FGD4: variants seen among roughly 807,000 people sequenced by gnomAD.
FGD4 encodes FYVE, RhoGEF and PH domain containing 4, also known as FYVE, RhoGEF and PH domain-containing protein 4.
Under a neutral mutation model 102.0 loss-of-function variants are expected in FGD4, and 42 were observed. That is an observed-to-expected ratio of 0.41 (90% CI 0.32 to 0.53). The LOEUF is 0.53. Among genes scored for constraint, FGD4 ranks in the 20% least tolerant of loss-of-function variants. The pLI, the probability that FGD4 is intolerant of heterozygous loss-of-function variation, is 0.21. For missense variants in FGD4, 902 were observed against 1,078.2 expected, an observed-to-expected ratio of 0.84 and a Z score of 2.29; for synonymous variants, 380 against 375.7, an observed-to-expected ratio of 1.01 and a Z score of -0.13.
At chr12:32,536,779 A>G (rs1031765038) in intron 1 of FGD4, among the ~76,000 whole-genome samples, 6 of 152,226 alleles carry the variant, frequency 3.9e-5, no homozygotes, top group African/African-American at 1.4e-4. Context: ...GCCTGGGGAA[A>G]ATGAGTCTTT....
At chr12:32,485,164 C>T (rs1043253712) in intron 1 of FGD4, among the ~76,000 whole-genome samples, 3 of 152,278 alleles carry the variant, frequency 2.0e-5, no homozygotes, top group East Asian at 1.9e-4. Context: ...TCATTTTAAT[C>T]CATAATTTTA....
chr12:32,460,456 G>C (rs1371451439), intron 1 of FGD4, among the ~76,000 whole-genome samples: 5 of 150,686 alleles, frequency 3.3e-5, no homozygotes, highest in East Asian at 3.9e-4. Flanking sequence ...AGTGAGCTGT[G>C]ATCGTACCAC....
At chr12:32,498,155 A>G (rs1325613562) in intron 1 of FGD4, among the ~76,000 whole-genome samples, 7 of 152,232 alleles carry the variant, frequency 4.6e-5, no homozygotes, top group Admixed American at 3.3e-4. Flanking sequence ...GCTTAAACAC[A>G]TAACTCCCAA....
chr12:32,558,058 G>C lies in FGD4; in HGVS notation c.167-6079G>C, dbSNP rs117835488. Among the ~76,000 whole-genome samples the C allele has an allele frequency of 7.9e-3, 1,208 of 152,226 alleles. 9 individuals are homozygous for C. Among genetic ancestry groups the C allele is most frequent in the Non-Finnish European group, 0.013 (890 of 68,010 alleles). On this transcript the variant is annotated intron_variant, in intron 1 of 16. Transcript: ENST00000534526. Reference sequence around the variant, plus strand: ...AAAGTGAGATGGGTGCATTGCCTCTGTGATATTCTTACCCCAAACCCATAA... The same window carrying C: ...AAAGTGAGATGGGTGCATTGCCTCTCTGATATTCTTACCCCAAACCCATAA...
At chr12:32,470,927 G>A in intron 1 of FGD4, among the ~76,000 whole-genome samples, 1 of 152,062 alleles carries the variant, frequency 6.6e-6, no homozygotes, top group East Asian at 1.9e-4. Flanking sequence ...TCCCATCCTT[G>A]GGTGTTCTTT....
chr12:32,513,531 G>A (rs1425745172), intron 1 of FGD4, among the ~76,000 whole-genome samples: 1 of 152,190 alleles, frequency 6.6e-6, no homozygotes, highest in Non-Finnish European at 1.5e-5. Flanking sequence ...AGGGGCTAAG[G>A]TTGCAAGGTG....
intron 1 of FGD4, among the ~76,000 whole-genome samples, chr12:32,498,670 C>T (rs1937973763): frequency 6.6e-6 from 1 of 152,116 alleles, no homozygotes. Context: ...GTGATGCGAT[C>T]TTGGCTTACT....
chr12:32,485,459 G>A lies in FGD4; in HGVS notation c.167-78678G>A, dbSNP rs990233301. ...CAATTTTTTTTTTTTTTTTTTTTTT[G>A]AGACAGAGACTCGCCCTGTTGCCCA... On this transcript the variant is annotated intron_variant, in intron 1 of 16. Transcript: ENST00000534526. Among the ~76,000 whole-genome samples, 53 of 22,400 alleles carry A rather than the reference G, an allele frequency of 2.4e-3. 1 individual carries two copies. Among genetic ancestry groups the A allele is most frequent in the Non-Finnish European group, 5.0e-3 (48 of 9,610 alleles). 14.7% of individuals were successfully genotyped at this position (22,400 alleles called of 152,430 possible).
chr12:32,553,689 C>T (rs1258155125), intron 1 of FGD4, among the ~76,000 whole-genome samples: 1 of 152,164 alleles, frequency 6.6e-6, no homozygotes, highest in Non-Finnish European at 1.5e-5. Context: ...GATCTCAAGC[C>T]ATTTGCTTTA....
In FGD4 at chr12:32,586,220, T is replaced by C. The variant is rs568666252; in HGVS notation, c.1011+3753T>C. 5.9e-5 allele frequency among the ~76,000 whole-genome samples: 9 copies of C among 152,320 alleles called. No homozygotes were observed. The East Asian group carries it at 1.4e-3, about 23-fold the overall frequency. ...AAAACATTAGAGACTTTTAAAAGTT[T>C]GGAAGTTTAAAAAGTTTAAAAATCT... On this transcript the variant is annotated intron_variant, in intron 4 of 16. Transcript: ENST00000534526.
intron 1 of FGD4, among the ~76,000 whole-genome samples, chr12:32,462,186 C>T (rs374756885): frequency 3.9e-5 from 6 of 152,208 alleles, no homozygotes; most frequent in African/African-American, 1.4e-4. Context: ...AGTGCCATCA[C>T]AGCTTGTTCT....
chr12:32,625,929 C>G, intron 14 of FGD4, 150 bp downstream of exon 14: 1 of 1,061,050 alleles, frequency 9.4e-7, no homozygotes, highest in Non-Finnish European at 1.4e-6. Context: ...TGTGCTGAGC[C>G]CTGGAGAAAA....
intron 1 of FGD4, 34 bp downstream of exon 1, chr12:32,399,993 C>G: frequency 7.0e-7 from 1 of 1,427,924 alleles, no homozygotes; most frequent in Non-Finnish European, 9.1e-7. Flanking sequence ...AAGGGTGGCC[C>G]CGGCGCGTAG....
At chr12:32,417,695 A>G (rs975202827) in intron 1 of FGD4, among the ~76,000 whole-genome samples, 4 of 151,716 alleles carry the variant, frequency 2.6e-5, no homozygotes, top group Non-Finnish European at 4.4e-5. Context: ...AGGCTTACTA[A>G]TTCTTTCTTC....
At chr12:32,591,572 G>A (rs10743799) in intron 4 of FGD4, among the ~76,000 whole-genome samples, 43,917 of 152,132 alleles carry the variant, frequency 0.29, 6,666 homozygotes, top group Middle Eastern at 0.49. Flanking sequence ...ATGGCAGGGT[G>A]GATGGCACCA....
At chr12:32,428,631 T>G (rs1159004583) in intron 1 of FGD4, among the ~76,000 whole-genome samples, 1 of 152,214 alleles carries the variant, frequency 6.6e-6, no homozygotes, top group Non-Finnish European at 1.5e-5. Context: ...GTTGGGGAAG[T>G]TCTCCTGGAT....
At chr12:32,411,087 C>T (rs974699744) in intron 1 of FGD4, among the ~76,000 whole-genome samples, 5 of 151,348 alleles carry the variant, frequency 3.3e-5, no homozygotes, top group African/African-American at 4.8e-5. Context: ...CGCCACCACG[C>T]CCGGCTAATT....
chr12:32,528,236 T>C (rs1436729228), intron 1 of FGD4, among the ~76,000 whole-genome samples: 1 of 152,152 alleles, frequency 6.6e-6, no homozygotes, highest in Non-Finnish European at 1.5e-5. Context: ...CGCACTGGGC[T>C]AGTAAAGTTT....
chr12:32,424,705 T>G (rs1941769611), intron 1 of FGD4, among the ~76,000 whole-genome samples: 1 of 152,216 alleles, frequency 6.6e-6, no homozygotes, highest in East Asian at 1.9e-4. Flanking sequence ...AAAGCATTCC[T>G]ATTTCTCCAC....
Sources: gnomAD v4.1 joint callset for allele counts (sites outside exome capture counted in the v4.1 genomes callset) on GRCh38, gnomAD v4.1.1 for gene constraint, MANE v1.5 for transcripts, NCBI Gene and HGNC (gene_info 2026-07-23, HGNC 2026-07-21) for gene names.